The following DMD variants were observed in gnomAD, a reference collection of about 807,000 sequenced individuals.
DMD encodes the protein dystrophin, also known as mutant dystrophin.
DMD carries 63 observed loss-of-function variants against 330.1 expected under a neutral mutation model. The observed-to-expected ratio is 0.19, with a 90% CI of 0.16 to 0.24. DMD has a LOEUF of 0.24. DMD is among the 10% of genes least tolerant of loss of function. The probability of loss-of-function intolerance (pLI) is 1.00; values close to 1 mark genes in which losing one functional copy is unlikely to be tolerated. For missense variants in DMD, 3,344 were observed against 2,684.1 expected, an observed-to-expected ratio of 1.25 and a Z score of -5.43; for synonymous variants, 1,223 against 959.8, an observed-to-expected ratio of 1.27 and a Z score of -5.07.
chrX:31,940,352 G>A (rs1603616860), intron 45 of DMD, among the ~76,000 whole-genome samples: 1 of 111,555 alleles, frequency 9.0e-6, no homozygotes, highest in Non-Finnish European at 1.9e-5. Flanking sequence ...TCATTTCCCA[G>A]TCTCCCTTGC....
intron 43 of DMD, among the ~76,000 whole-genome samples, chrX:32,229,559 C>T (rs1459911756): frequency 9.7e-6 from 1 of 103,290 alleles, no homozygotes; most frequent in African/African-American, 3.5e-5. Context: ...TAATAACACT[C>T]TTTTTATTAG....
chrX:32,203,509 G>C, intron 44 of DMD, among the ~76,000 whole-genome samples: 1 of 112,396 alleles, frequency 8.9e-6, no homozygotes. Context: ...TTTGCCTGTA[G>C]GGAACCATGT....
At chrX:31,590,298 C>T (rs967638876) in intron 55 of DMD, among the ~76,000 whole-genome samples, 13 of 110,971 alleles carry the variant, frequency 1.2e-4, no homozygotes, top group Non-Finnish European at 2.1e-4. Flanking sequence ...ATTGCTCATT[C>T]GTAGTTGTTT....
intron 2 of DMD, among the ~76,000 whole-genome samples, chrX:33,019,589 C>G (rs936287550): frequency 9.0e-6 from 1 of 111,118 alleles, no homozygotes; most frequent in African/African-American, 3.3e-5. Context: ...TCTAGAGTCA[C>G]GCTATTGATT....
At chrX:31,865,879 C>CT (rs777201645) in intron 48 of DMD, among the ~76,000 whole-genome samples, 1 of 111,585 alleles carries the variant, frequency 9.0e-6, no homozygotes, top group Admixed American at 9.5e-5. Flanking sequence ...TTCATGTTTC[C>CT]TTTTTTTGTT....
At chrX:33,065,180 T>C (rs2094635496) in intron 1 of DMD, among the ~76,000 whole-genome samples, 1 of 112,121 alleles carries the variant, frequency 8.9e-6, no homozygotes, top group South Asian at 3.6e-4. Flanking sequence ...ATAGTTAGTA[T>C]AAAATGTAAT....
chrX:32,966,192 T>G (rs1417165346), intron 2 of DMD, among the ~76,000 whole-genome samples: 1 of 111,904 alleles, frequency 8.9e-6, no homozygotes, highest in African/African-American at 3.3e-5. Context: ...CTGATAAAAA[T>G]AAAATTAATA....
intron 19 of DMD, among the ~76,000 whole-genome samples, chrX:32,494,305 C>T (rs1378666452): frequency 9.0e-6 from 1 of 111,203 alleles, no homozygotes; most frequent in Non-Finnish European, 1.9e-5. Context: ...TTATAATACG[C>T]TCTATTTATT....
At chrX:32,336,274 A>G (rs1603631086) in intron 41 of DMD, among the ~76,000 whole-genome samples, 2 of 111,233 alleles carry the variant, frequency 1.8e-5, no homozygotes, top group African/African-American at 6.5e-5. Context: ...CCTCGGCCTC[A>G]CAAAGAGCTG....
At chrX:32,381,338 G>A (rs112663143) in intron 33 of DMD, among the ~76,000 whole-genome samples, 7 of 111,289 alleles carry the variant, frequency 6.3e-5, no homozygotes, top group African/African-American at 2.3e-4. Context: ...ACTTGATCCT[G>A]TGCTCCTGTT....
At chrX:31,678,322 T>C (rs2082193376) in intron 53 of DMD, among the ~76,000 whole-genome samples, 1 of 111,628 alleles carries the variant, frequency 9.0e-6, no homozygotes, top group African/African-American at 3.3e-5. Flanking sequence ...AAAATATCTA[T>C]AGAGGGTTTT....
At chrX:31,606,470 G>T (rs1245205599) in intron 55 of DMD, among the ~76,000 whole-genome samples, 1 of 111,559 alleles carries the variant, frequency 9.0e-6, no homozygotes, top group East Asian at 2.8e-4. Context: ...TTAGCTAAGA[G>T]GACTTCTCCT....
chrX:32,134,443 T>C (rs147278133), intron 44 of DMD, among the ~76,000 whole-genome samples: 7,592 of 111,068 alleles, frequency 0.068, 655 homozygotes, highest in African/African-American at 0.24. Context: ...TTAAAAGAAT[T>C]CTCATTCTCA....
chrX:31,226,856 G>T (rs1320275326), intron 63 of DMD, among the ~76,000 whole-genome samples: 2 of 111,525 alleles, frequency 1.8e-5, no homozygotes, highest in Non-Finnish European at 3.8e-5. Context: ...TAGAGACGTG[G>T]AAATGCACTT....
At chrX:32,359,426 C>A (rs1326043961) in intron 37 of DMD, among the ~76,000 whole-genome samples, 1 of 111,832 alleles carries the variant, frequency 8.9e-6, no homozygotes, top group Non-Finnish European at 1.9e-5. Flanking sequence ...CAATCCAAAT[C>A]TACTTTTTTT....
At chrX:31,778,316 C>T (rs907074220) in intron 50 of DMD, among the ~76,000 whole-genome samples, 4 of 111,494 alleles carry the variant, frequency 3.6e-5, no homozygotes, top group African/African-American at 9.8e-5. Context: ...TAGAGGATAG[C>T]TGATAGTAGT....
intron 20 of DMD, among the ~76,000 whole-genome samples, chrX:32,489,411 G>C (rs754798233): frequency 9.0e-6 from 1 of 110,743 alleles, no homozygotes; most frequent in South Asian, 3.9e-4. Flanking sequence ...TAAAGAGAGA[G>C]AGAAAGAAAA....
chrX:32,904,790 G>A (rs140676071), intron 2 of DMD, among the ~76,000 whole-genome samples: 1,773 of 111,630 alleles, frequency 0.016, 15 homozygotes, highest in Middle Eastern at 0.037. Flanking sequence ...TGGCCAGGCT[G>A]GTCTTGAACT....
intron 21 of DMD, among the ~76,000 whole-genome samples, chrX:32,483,145 C>CTATA (rs2042062927): frequency 1.0e-4 from 3 of 30,052 alleles, no homozygotes; most frequent in African/African-American, 3.3e-4. Flanking sequence ...ATTTTTCATT[C>CTATA]CATATATATA....
Sources: gnomAD v4.1 joint callset for allele counts (sites outside exome capture counted in the v4.1 genomes callset) on GRCh38, gnomAD v4.1.1 for gene constraint, MANE v1.5 for transcripts, NCBI Gene and HGNC (gene_info 2026-07-23, HGNC 2026-07-21) for gene names.